Variants in PTK2B observed in about 807,000 individuals in gnomAD.
The protein encoded by PTK2B is protein tyrosine kinase 2 beta.
PTK2B carries 71 observed loss-of-function variants against 142.9 expected under a neutral mutation model. The observed-to-expected ratio is 0.50, with a 90% CI of 0.41 to 0.61. The LOEUF (loss-of-function observed/expected upper bound fraction) is 0.61, where lower values mean the gene tolerates loss of function less well. PTK2B is among the 20% of genes least tolerant of loss of function. The probability of loss-of-function intolerance (pLI) is 0.00; values close to 1 mark genes in which losing one functional copy is unlikely to be tolerated. For synonymous variants in PTK2B, 519 were observed against 503.4 expected (o/e 1.03, Z -0.42); for missense variants, 1,105 against 1,320.4 (o/e 0.84, Z 2.53).
intron 1 of PTK2B, among the ~76,000 whole-genome samples, chr8:27,365,183 C>G (rs941445878): frequency 3.3e-5 from 5 of 152,204 alleles, no homozygotes; most frequent in Non-Finnish European, 7.3e-5. Context: ...TTTCATGTCC[C>G]CTTCGCTTGC....
upstream of PTK2B, chr8:27,322,585 G>C (rs1289582601): frequency 6.6e-6 from 1 of 152,258 alleles, no homozygotes; most frequent in Non-Finnish European, 1.5e-5. Context: ...CATAGCATTT[G>C]TACACCTATC....
intron 1 of PTK2B, among the ~76,000 whole-genome samples, chr8:27,374,360 A>G (rs1806538294): frequency 6.6e-6 from 1 of 152,278 alleles, no homozygotes; most frequent in African/African-American, 2.4e-5. Context: ...GATGACTGTC[A>G]TGAAGGAAGA....
chr8:27,364,067 C>G (rs1466338289), intron 1 of PTK2B, among the ~76,000 whole-genome samples: 1 of 152,178 alleles, frequency 6.6e-6, no homozygotes, highest in Non-Finnish European at 1.5e-5. Context: ...CTCACAACAG[C>G]GCTGAAACAG....
chr8:27,435,817 C>T (rs775640596), intron 14 of PTK2B, 24 bp downstream of exon 14: 21 of 1,610,900 alleles, frequency 1.3e-5, no homozygotes, highest in South Asian at 3.3e-5. Flanking sequence ...CCCGCCACAG[C>T]GACCGTAGTC....
At chr8:27,406,693 C>G (rs1808734661) in intron 2 of PTK2B, among the ~76,000 whole-genome samples, 1 of 152,062 alleles carries the variant, frequency 6.6e-6, no homozygotes, top group Admixed American at 6.5e-5. Context: ...TGGGCTGTTG[C>G]CATGGGTGAA....
At chr8:27,310,807 G>A (rs1318698543), upstream of PTK2B, 4 of 1,592,582 alleles carry the variant, frequency 2.5e-6, no homozygotes, top group Non-Finnish European at 3.4e-6. Flanking sequence ...TTACCCGAAA[G>A]TCGTGGGCAG....
In PTK2B at chr8:27,439,549, G is replaced by C. The variant is rs868279508; in HGVS notation, c.1834+151G>C. ...GTGGCCACTGAGAAGTCTCAGAGGT[G>C]GGGAGGCCAGTAGGGGTAGGAAGGG... On this transcript the variant is annotated intron_variant, in intron 20 of 30. Coordinates refer to ENST00000346049, the MANE Select transcript of PTK2B (RefSeq NM_173176.3). 2.3e-5 allele frequency: 20 copies of C among 854,442 alleles called. No individual in the cohort carries two copies. The African/African-American group carries it at 2.7e-4, about 11-fold the overall frequency. 52.9% of individuals were successfully genotyped at this position (854,442 alleles called of 1,614,324 possible). A position where few individuals can be genotyped will look rare whatever the true frequency, so the allele number is the denominator to read the frequency against.
At chr8:27,381,095 A>G (rs1178527046) in intron 1 of PTK2B, among the ~76,000 whole-genome samples, 3 of 152,242 alleles carry the variant, frequency 2.0e-5, no homozygotes, top group Non-Finnish European at 4.4e-5. Context: ...TTTATGGGGT[A>G]CAGAATGATA....
chr8:27,440,050 A>G (rs760224149), intron 20 of PTK2B, among the ~76,000 whole-genome samples, 187 bp from the exon 21 acceptor site: 1 of 152,108 alleles, frequency 6.6e-6, no homozygotes, highest in Non-Finnish European at 1.5e-5. Context: ...TAGGTCACTT[A>G]CTGCAGAGGT....
rs765895120 is a variant in PTK2B, at chr8:27,434,152, G to A, written c.1145+20G>A. ...CATGCTGTGAGTACAATGGGGTGCAGAGGACAGGGCCCTGAGCTCAGCCTG... is the reference window on the plus strand; with the variant it reads ...CATGCTGTGAGTACAATGGGGTGCAAAGGACAGGGCCCTGAGCTCAGCCTG... On this transcript the variant is annotated intron_variant, in intron 12 of 30. Coordinates refer to ENST00000346049, the MANE Select transcript of PTK2B (RefSeq NM_173176.3). The A allele has an allele frequency of 6.2e-6, 10 of 1,612,710 alleles. No individual in the cohort carries two copies. The highest frequency in any genetic ancestry group is 8.5e-7 in the Non-Finnish European group (1 of 1,178,836).
At chr8:27,413,039 GA>G (rs57661178) in intron 2 of PTK2B, among the ~76,000 whole-genome samples, 47,054 of 145,236 alleles carry the variant, frequency 0.32, 8,413 homozygotes, top group South Asian at 0.51. Flanking sequence ...TAAAAAGTTG[GA>G]AAAAAAAAAA....
At chr8:27,352,332 G>A (rs556828523) in intron 1 of PTK2B, among the ~76,000 whole-genome samples, 32 of 152,268 alleles carry the variant, frequency 2.1e-4, no homozygotes, top group African/African-American at 7.0e-4. Flanking sequence ...TAGGCATGAC[G>A]CATGGAAGGC....
At chr8:27,352,066 C>T (rs1805126667) in intron 1 of PTK2B, among the ~76,000 whole-genome samples, 1 of 152,114 alleles carries the variant, frequency 6.6e-6, no homozygotes, top group South Asian at 2.1e-4. Context: ...CTGCTGTGCC[C>T]ATCATGGTTG....
chr8:27,385,647 C>CT (rs759068100), intron 1 of PTK2B, among the ~76,000 whole-genome samples: 3 of 152,148 alleles, frequency 2.0e-5, no homozygotes, highest in Non-Finnish European at 2.9e-5. Flanking sequence ...AATCCCAGCA[C>CT]TTTGAGAGGC....
intron 1 of PTK2B, among the ~76,000 whole-genome samples, chr8:27,356,637 AGCT>A (rs1805407001): frequency 6.6e-6 from 1 of 152,240 alleles, no homozygotes; most frequent in South Asian, 2.1e-4. Flanking sequence ...CTTGTCAAAG[AGCT>A]GCAGTCAATA....
At chr8:27,428,174 ATGAGAATCTAATGTCACCAC>A (rs1208846070) in intron 5 of PTK2B, among the ~76,000 whole-genome samples, 2 of 152,170 alleles carry the variant, frequency 1.3e-5, no homozygotes, top group African/African-American at 4.8e-5. Flanking sequence ...TCACACTCCT[ATGAGAATCTAATGTCACCAC>A]TGATCTGACA....
chr8:27,400,484 G>A (rs1171501749), intron 2 of PTK2B, among the ~76,000 whole-genome samples: 1 of 151,456 alleles, frequency 6.6e-6, no homozygotes, highest in East Asian at 1.9e-4. Context: ...TGGGAGATGG[G>A]TTAGGAGGCT....
chr8:27,419,846 G>T (rs750236507), intron 2 of PTK2B, 49 bp from the exon 3 acceptor site: 4 of 1,596,656 alleles, frequency 2.5e-6, no homozygotes, highest in South Asian at 2.2e-5. Context: ...AATTATGGGA[G>T]CCCAAAGGTG....
chr8:27,426,991 T>C (rs1310472396), intron 5 of PTK2B, among the ~76,000 whole-genome samples: 2 of 152,244 alleles, frequency 1.3e-5, no homozygotes, highest in African/African-American at 4.8e-5. Context: ...AGTTCATTTA[T>C]TCATTCAACA....
Sources: gnomAD v4.1 joint callset for allele counts (sites outside exome capture counted in the v4.1 genomes callset) on GRCh38, gnomAD v4.1.1 for gene constraint, MANE v1.5 for transcripts, NCBI Gene and HGNC (gene_info 2026-07-23, HGNC 2026-07-21) for gene names.